The following NRXN1 variants were observed in gnomAD, a reference collection of about 807,000 sequenced individuals.
NRXN1 encodes the protein neurexin 1, also known as neurexin-1.
NRXN1 carries 39 observed loss-of-function variants against 150.9 expected under a neutral mutation model. The observed-to-expected ratio is 0.26, with a 90% CI of 0.20 to 0.34. The LOEUF is 0.34. Ranked by LOEUF, NRXN1 falls within the 10% of genes least tolerant of loss-of-function variation. The pLI, the probability that NRXN1 is intolerant of heterozygous loss-of-function variation, is 1.00. For missense variants in NRXN1, 1,815 were observed against 1,949.9 expected (o/e 0.93, Z 1.30); for synonymous variants, 924 against 757.0 (o/e 1.22, Z -3.62).
At chr2:50,200,387 C>T (rs1237594593) in intron 18 of NRXN1, among the ~76,000 whole-genome samples, 5 of 152,120 alleles carry the variant, frequency 3.3e-5, no homozygotes, top group Admixed American at 3.3e-4. Context: ...GAAATACAGT[C>T]TTCTAAGACA....
intron 17 of NRXN1, among the ~76,000 whole-genome samples, chr2:50,338,312 G>C (rs948031121): frequency 1.3e-5 from 2 of 152,092 alleles, no homozygotes; most frequent in African/African-American, 4.8e-5. Flanking sequence ...CAGAAATATG[G>C]AATCTAGAAA....
chr2:51,014,555 T>C (rs567814648), intron 2 of NRXN1, among the ~76,000 whole-genome samples: 2 of 152,118 alleles, frequency 1.3e-5, no homozygotes, highest in Non-Finnish European at 2.9e-5. Context: ...TACAGACTTC[T>C]TTGAAACACA....
chr2:50,056,348 A>G (rs1290767545), intron 19 of NRXN1, among the ~76,000 whole-genome samples: 1 of 152,132 alleles, frequency 6.6e-6, no homozygotes, highest in Non-Finnish European at 1.5e-5. Flanking sequence ...TTGGAGAGAT[A>G]GAAAAGAACT....
At chr2:50,542,889 C>T (rs544178968) in intron 9 of NRXN1, among the ~76,000 whole-genome samples, 1 of 152,240 alleles carries the variant, frequency 6.6e-6, no homozygotes, top group East Asian at 1.9e-4. Flanking sequence ...ACCAATTTAA[C>T]TCATAGATAT....
At chr2:51,014,077 C>T (rs559279967) in intron 2 of NRXN1, among the ~76,000 whole-genome samples, 1 of 152,052 alleles carries the variant, frequency 6.6e-6, no homozygotes, top group Admixed American at 6.6e-5. Flanking sequence ...ATTTCCAAGG[C>T]ATGATGGGAA....
intron 21 of NRXN1, among the ~76,000 whole-genome samples, chr2:49,958,281 CT>C (rs897375491): frequency 3.3e-5 from 5 of 152,128 alleles, no homozygotes; most frequent in African/African-American, 1.2e-4. Context: ...CTAATGACCT[CT>C]TTTTTTGGTC....
At position 50,776,072 on chromosome 2, in the gene NRXN1, A is replaced by G. The variant is rs1197189337; in HGVS notation, c.832+145797T>C. Among the ~76,000 whole-genome samples, 4 of 152,082 alleles carry G rather than the reference A, an allele frequency of 2.6e-5. No individual in the cohort carries two copies. In the East Asian group the frequency reaches 7.7e-4, roughly 29 times the overall value. ...CCATTTAAAATCATTCTATGAACAA[A>G]TCGACTGTCATTTTGACAGTACTGA... On this transcript the variant is annotated intron_variant, in intron 5 of 22. Coordinates refer to ENST00000401669, the MANE Select transcript of NRXN1 (RefSeq NM_001330078.2).
chr2:50,293,759 T>G (rs2073234035), intron 17 of NRXN1, among the ~76,000 whole-genome samples: 1 of 152,134 alleles, frequency 6.6e-6, no homozygotes, highest in African/African-American at 2.4e-5. Flanking sequence ...AATGATGCCT[T>G]CCTGGAGGCA....
chr2:49,920,085 T>C lies in NRXN1; in HGVS notation c.*1859A>G, dbSNP rs1418152217. ...ATGCATTTTTTGCACTACCTTCTCA[T>C]ATTAGTAATTTATTGCTGTGAACAT... On this transcript the variant is annotated 3_prime_UTR_variant, in exon 23 of 23. Transcript: ENST00000401669. The C allele has an allele frequency of 6.6e-6, 1 of 152,178 alleles. No individual in the cohort carries two copies. Among genetic ancestry groups the C allele is most frequent in the Non-Finnish European group, 1.5e-5 (1 of 68,022 alleles). The allele number at this position is 152,178 out of a possible 1,614,324, so 9.4% of individuals were successfully genotyped here. A position where few individuals can be genotyped will look rare whatever the true frequency, so the allele number is the denominator to read the frequency against.
chr2:50,720,171 C>T (rs910227547), intron 5 of NRXN1, among the ~76,000 whole-genome samples: 1 of 152,150 alleles, frequency 6.6e-6, no homozygotes, highest in Non-Finnish European at 1.5e-5. Context: ...ATAACTGACA[C>T]ACAGATATAT....
intron 12 of NRXN1, among the ~76,000 whole-genome samples, chr2:50,514,344 C>T (rs988882593): frequency 9.9e-5 from 15 of 152,162 alleles, no homozygotes; most frequent in African/African-American, 2.7e-4. Flanking sequence ...AGTACCATAG[C>T]ATCTGAGAAT....
At chr2:50,834,897 C>A (rs535033430) in intron 5 of NRXN1, among the ~76,000 whole-genome samples, 4 of 152,272 alleles carry the variant, frequency 2.6e-5, no homozygotes, top group Admixed American at 2.6e-4. Context: ...CTCACTCTTG[C>A]AGCTTTAACA....
At chr2:50,065,108 G>T (rs978772919) in intron 19 of NRXN1, among the ~76,000 whole-genome samples, 8 of 152,130 alleles carry the variant, frequency 5.3e-5, no homozygotes, top group Admixed American at 5.2e-4. Flanking sequence ...AGAAACTGAA[G>T]AAAACAAAGG....
intron 5 of NRXN1, among the ~76,000 whole-genome samples, chr2:50,886,982 G>C (rs944508596): frequency 6.6e-6 from 1 of 151,248 alleles, no homozygotes; most frequent in Non-Finnish European, 1.5e-5. Context: ...ATAATTTTTA[G>C]AATATATTAA....
intron 17 of NRXN1, among the ~76,000 whole-genome samples, chr2:50,298,871 A>C (rs901806358): frequency 3.3e-5 from 5 of 152,154 alleles, no homozygotes; most frequent in Admixed American, 6.5e-5. Context: ...GCTAACCTCA[A>C]GTCACTCAAA....
At chr2:50,918,212 T>C (rs1685486665) in intron 5 of NRXN1, 1 of 155,460 alleles carries the variant, frequency 6.4e-6, no homozygotes, top group Admixed American at 6.5e-5. Flanking sequence ...TTTGCTCTTC[T>C]AGTAACATGA....
intron 18 of NRXN1, among the ~76,000 whole-genome samples, chr2:50,102,019 T>G (rs950049248): frequency 6.6e-6 from 1 of 152,084 alleles, no homozygotes; most frequent in Non-Finnish European, 1.5e-5. Context: ...AATGTGTGTA[T>G]ATGGGCATAG....
intron 2 of NRXN1, among the ~76,000 whole-genome samples, chr2:51,021,803 C>G (rs1194285509): frequency 6.6e-6 from 1 of 151,924 alleles, no homozygotes; most frequent in African/African-American, 2.4e-5. Context: ...TAAATGGTAT[C>G]TTCAATAAGC....
At chr2:50,789,770 T>C (rs1559265369) in intron 5 of NRXN1, among the ~76,000 whole-genome samples, 1 of 152,134 alleles carries the variant, frequency 6.6e-6, no homozygotes, top group Non-Finnish European at 1.5e-5. Context: ...AAAGTTAGCA[T>C]TCACTTGAGA....
Sources: allele counts gnomAD v4.1 joint callset (sites outside exome capture counted in the v4.1 genomes callset), GRCh38; gene constraint gnomAD v4.1.1; transcripts MANE v1.5; gene names NCBI Gene and HGNC (gene_info 2026-07-23, HGNC 2026-07-21).